APOL5: variants seen among roughly 807,000 people sequenced by gnomAD.
The protein encoded by APOL5 is apolipoprotein L, 5.
A neutral mutation model predicts 35.5 loss-of-function variants in APOL5; 29 were observed. That is an observed-to-expected ratio of 0.82 (90% CI 0.61 to 1.11). APOL5 has a LOEUF of 1.11. APOL5 is among the 50% of genes most tolerant of loss of function. The pLI is 0.00. For missense variants in APOL5, 514 were observed against 530.4 expected, an observed-to-expected ratio of 0.97 and a Z score of 0.30; for synonymous variants, 188 against 200.2, an observed-to-expected ratio of 0.94 and a Z score of 0.51.
the APOL5 span, among the ~76,000 whole-genome samples, chr22:35,711,648 C>CCTTCCTTCCTTCCTTCCTTCCT: frequency 5.0e-5 from 1 of 20,022 alleles, no homozygotes. Context: ...CCTTCCTTCC[C>CCTTCCTTCCTTCCTTCCTTCCT]TCCCTCCCTC....
chr22:35,712,779 T>C, the APOL5 span, among the ~76,000 whole-genome samples: 1 of 152,234 alleles, frequency 6.6e-6, no homozygotes, highest in Non-Finnish European at 1.5e-5. Context: ...CTTTATGACC[T>C]GGGCCTTCTA....
upstream of APOL5, among the ~76,000 whole-genome samples, chr22:35,717,222 C>CAAAAAAAAAAA (rs71322978): frequency 1.5e-5 from 1 of 66,884 alleles, no homozygotes; most frequent in Non-Finnish European, 2.7e-5. Context: ...TCCATCTCTA[C>CAAAAAAAAAAA]AAAAAAAAAA....
At chr22:35,712,339 A>C in the APOL5 span, among the ~76,000 whole-genome samples, 4 of 152,042 alleles carry the variant, frequency 2.6e-5, no homozygotes, top group Non-Finnish European at 5.9e-5. Flanking sequence ...AGTCGTCTGC[A>C]TAAGTGTGAA....
intron 2 of APOL5, among the ~76,000 whole-genome samples, chr22:35,721,653 C>T (rs1926974607): frequency 1.3e-5 from 2 of 152,280 alleles, no homozygotes; most frequent in South Asian, 2.1e-4. Context: ...TGCTGGTTTT[C>T]TCCCAATCCA....
chr22:35,710,426 G>A, the APOL5 span, among the ~76,000 whole-genome samples: 12 of 151,210 alleles, frequency 7.9e-5, no homozygotes, highest in African/African-American at 2.7e-4. Context: ...ACAGGTGTGA[G>A]CCACCTCACC....
rs75305023 is a variant in APOL5, at chr22:35,728,842, GC to G, written c.1250del (p.Pro417HisfsTer27). 3,441 of 1,611,904 alleles carry G rather than the reference GC, an allele frequency of 2.1e-3. 62 individuals carry two copies. In the African/African-American group the frequency reaches 0.039, roughly 18 times the overall value. On this transcript the variant is annotated frameshift_variant, in exon 4 of 5. Coordinates refer to ENST00000249044, the MANE Select transcript of APOL5 (RefSeq NM_030642.1). LOFTEE classifies it low-confidence loss of function (END_TRUNC). Reference sequence around the variant, plus strand: ...CCCAAGGATGCTTGGCCACCAGCCAGCCCCACCAGCACCAGCAAGAAAGGGG... The same window carrying G: ...CCCAAGGATGCTTGGCCACCAGCCAGCCCACCAGCACCAGCAAGAAAGGGG... ...SAPRMLGHQP[A>X]PPAPARKGRQ...
intron 2 of APOL5, among the ~76,000 whole-genome samples, chr22:35,725,622 T>C (rs1927123137): frequency 6.6e-6 from 1 of 151,906 alleles, no homozygotes; most frequent in Admixed American, 6.6e-5. Context: ...TACTGATCGC[T>C]GGGGTTGAAG....
rs371142724 is a variant in APOL5, at chr22:35,720,434, T to C, written c.56-134T>C. 5.5e-5 allele frequency: 37 copies of C among 673,542 alleles called. No individual in the cohort carries two copies. In the East Asian group the frequency reaches 5.7e-4, roughly 10 times the overall value. The allele number at this position is 673,542 out of a possible 1,614,324, so 41.7% of individuals were successfully genotyped here. ...ATGTGACATTTCTGAGACATTAAGA[T>C]TTTTGTTGTATTCTTTTTTTTTTCT... On this transcript the variant is annotated intron_variant, in intron 1 of 4. Transcript: ENST00000249044.
At chr22:35,725,585 G>C (rs1927121061) in intron 2 of APOL5, among the ~76,000 whole-genome samples, 1 of 152,024 alleles carries the variant, frequency 6.6e-6, no homozygotes, top group Non-Finnish European at 1.5e-5. Context: ...GGATAATTTG[G>C]TGGGTAAGGG....
upstream of APOL5, among the ~76,000 whole-genome samples, chr22:35,715,353 C>G (rs988575706): frequency 1.1e-4 from 16 of 152,152 alleles, no homozygotes; most frequent in African/African-American, 4.8e-5. Flanking sequence ...ACATAAAAAA[C>G]TTAGTGTCAG....
At chr22:35,715,539 G>A (rs374427107), upstream of APOL5, among the ~76,000 whole-genome samples, 3 of 152,114 alleles carry the variant, frequency 2.0e-5, no homozygotes, top group East Asian at 1.9e-4. Flanking sequence ...CCAGCTACTC[G>A]GGAGACTGAG....
At chr22:35,723,026 GAGGA>G (rs1927027481) in intron 2 of APOL5, among the ~76,000 whole-genome samples, 1 of 152,162 alleles carries the variant, frequency 6.6e-6, no homozygotes, top group South Asian at 2.1e-4. Context: ...ACTTGAAGAT[GAGGA>G]AGGATGTCAG....
chr22:35,708,980 C>G, the APOL5 span, among the ~76,000 whole-genome samples: 1 of 152,248 alleles, frequency 6.6e-6, no homozygotes, highest in Non-Finnish European at 1.5e-5. Flanking sequence ...CTACACAATG[C>G]GAGTAACACA....
At chr22:35,728,524 A>G (rs1163912627) in intron 3 of APOL5, among the ~76,000 whole-genome samples, 199 bp from the exon 4 acceptor site, 1 of 152,084 alleles carries the variant, frequency 6.6e-6, no homozygotes, top group Non-Finnish European at 1.5e-5. Context: ...CGCCCGGCCG[A>G]CTTTAGACAT....
At position 35,726,597 on chromosome 22, in the gene APOL5, G is replaced by C. The variant is rs1314038135; in HGVS notation, c.529G>C (p.Gly177Arg). 1 of 1,614,154 alleles carries C rather than the reference G, an allele frequency of 6.2e-7. No homozygotes were observed. The highest frequency in any genetic ancestry group is 8.5e-7 in the Non-Finnish European group (1 of 1,180,024). The change falls in exon 3 of 5, where the codon GGG (glycine) becomes CGG (arginine). Residue 177 changes from glycine to arginine, a missense_variant. Physicochemically the swap from Gly to Arg is moderately radical, Grantham distance 125. Transcript: ENST00000249044. ...GCTCTCAGCAACTGGGACAGGGTTGGGGGCAGCAGCTGCCATCACCAACAT... is the reference window on the plus strand; with the variant it reads ...GCTCTCAGCAACTGGGACAGGGTTGCGGGCAGCAGCTGCCATCACCAACAT... ...LMLSATGTGLGAAAAITNIVT... is the reference protein window; with the variant it reads ...LMLSATGTGLRAAAAITNIVT...
chr22:35,722,887 G>C (rs1238279872), intron 2 of APOL5, among the ~76,000 whole-genome samples: 1 of 152,078 alleles, frequency 6.6e-6, no homozygotes, highest in Non-Finnish European at 1.5e-5. Flanking sequence ...TGTACAAGGC[G>C]ATCTGGAAGG....
chr22:35,717,738 C>CA (rs71322979), upstream of APOL5: 5,300 of 192,968 alleles, frequency 0.027, 5 homozygotes, highest in South Asian at 0.032. Flanking sequence ...AGCTCCATCG[C>CA]AAAAAAAAAA....
the APOL5 span, among the ~76,000 whole-genome samples, chr22:35,710,774 C>CCCA: frequency 6.6e-6 from 1 of 152,166 alleles, no homozygotes; most frequent in African/African-American, 2.4e-5. Context: ...CCCTAAGAAT[C>CCCA]CCATATAAGG....
chr22:35,718,121 T>C (rs1813094976), intron 1 of APOL5, among the ~76,000 whole-genome samples, 195 bp downstream of exon 1: 2 of 152,192 alleles, frequency 1.3e-5, no homozygotes, highest in African/African-American at 4.8e-5. Flanking sequence ...AAATACTACA[T>C]CAAATAACTT....
Sources: gnomAD v4.1 joint callset for allele counts (sites outside exome capture counted in the v4.1 genomes callset) on GRCh38, gnomAD v4.1.1 for gene constraint, MANE v1.5 for transcripts, NCBI Gene and HGNC (gene_info 2026-07-23, HGNC 2026-07-21) for gene names.